The following FANCM variants were observed in gnomAD, a reference collection of about 807,000 sequenced individuals.
The protein encoded by FANCM is Fanconi anemia group M protein.
In FANCM, 140 loss-of-function variants were observed where a neutral mutation model predicts 199.5. The ratio of observed to expected loss-of-function variants is 0.70; its 90% confidence interval spans 0.61 to 0.81. FANCM has a LOEUF of 0.81. Among genes scored for constraint, FANCM ranks in the 30% least tolerant of loss-of-function variants. FANCM has a pLI of 0.00. For missense variants in FANCM, 2,410 were observed against 2,421.4 expected, an observed-to-expected ratio of 1.00 and a Z score of 0.10; for synonymous variants, 840 against 836.8, an observed-to-expected ratio of 1.00 and a Z score of -0.07.
chr14:45,167,221 G>A (rs760185132), intron 11 of FANCM, 58 bp downstream of exon 11: 13 of 943,314 alleles, frequency 1.4e-5, no homozygotes, highest in African/African-American at 1.1e-4. Flanking sequence ...TTAGCAGGTC[G>A]TATCTTGATA....
At position 45,200,001 on chromosome 14, in the gene FANCM, A is replaced by G; in HGVS notation, c.6140A>G (p.Asp2047Gly). 6.2e-7 allele frequency: 1 copy of G among 1,607,228 alleles called. No individual in the cohort carries two copies. The highest frequency in any genetic ancestry group is 8.5e-7 in the Non-Finnish European group (1 of 1,175,108). The change falls in exon 23 of 23, where the codon GAT becomes GGT. Residue 2047 changes from aspartate (D) to glycine (G), a missense_variant. Coordinates refer to ENST00000267430, the MANE Select transcript of FANCM (RefSeq NM_020937.4). ...NDLNQDRLKSDI is the reference protein window; with the variant it reads ...NDLNQDRLKSGI ...CTTAACCAAGATAGACTGAAATCTG[A>G]TATATAATCAAGCTGCTCAAGATGG...
At chr14:45,180,601 C>T (rs1405522652) in intron 14 of FANCM, among the ~76,000 whole-genome samples, 1 of 152,064 alleles carries the variant, frequency 6.6e-6, no homozygotes, top group African/African-American at 2.4e-5. Context: ...CCACACCCAG[C>T]TAATTATTGT....
rs375521446 is a variant in FANCM, at chr14:45,142,278, C to T, written c.759+1569C>T. On this transcript the variant is annotated intron_variant, in intron 3 of 22. Transcript: ENST00000267430. ...ATTGTGTTGTCATGGCTTCTTAGTC[C>T]CTTCTAATCTGTGATGGTTCCTCTT... 1.5e-4 allele frequency among the ~76,000 whole-genome samples: 22 copies of T among 151,664 alleles called. No individual in the cohort carries two copies. In the East Asian group the frequency reaches 3.9e-3, roughly 27 times the overall value.
At chr14:45,184,726 T>A (rs1206932859) in intron 17 of FANCM, among the ~76,000 whole-genome samples, 1 of 150,906 alleles carries the variant, frequency 6.6e-6, no homozygotes, top group Non-Finnish European at 1.5e-5. Context: ...GACAGAATTA[T>A]CAGAATTTTT....
chr14:45,145,251 A>G (rs1886280329), intron 3 of FANCM, among the ~76,000 whole-genome samples: 2 of 151,452 alleles, frequency 1.3e-5, no homozygotes, highest in South Asian at 4.2e-4. Context: ...AAGCAGAAGG[A>G]AGGAGTCACT....
chr14:45,147,920 G>A (rs560830881), intron 3 of FANCM, among the ~76,000 whole-genome samples: 12 of 149,296 alleles, frequency 8.0e-5, no homozygotes, highest in Non-Finnish European at 1.3e-4. Context: ...AAAAAAAGCC[G>A]GGCGTGATGC....
Position 45,189,042 on chromosome 14 carries a change from A to G in FANCM, c.5020A>G (p.Ser1674Gly), listed in dbSNP as rs140499872. 111 of 1,613,878 alleles carry G rather than the reference A, an allele frequency of 6.9e-5. No individual in the cohort carries two copies. The African/African-American group carries it at 1.4e-3, about 20-fold the overall frequency. Residue 1674 changes from serine (S) to glycine (G), a missense_variant, in exon 20 of 23, where the codon AGT becomes GGT. Transcript: ENST00000267430. The stretch of plus-strand genomic sequence containing the variant: ...CAGAATTATTTTACCAGATGATTCA[A>G]GTGAGGAGGAGAACAATGTAAATGA... ...LSRIILPDDS[S>G]EEENNVNDKR...
intron 19 of FANCM, among the ~76,000 whole-genome samples, 169 bp downstream of exon 19, chr14:45,188,056 T>G (rs1889516424): frequency 6.6e-6 from 1 of 152,156 alleles, no homozygotes; most frequent in Non-Finnish European, 1.5e-5. Context: ...GATCCCTTTT[T>G]GGCCATGTGC....
rs376583120 is a variant in FANCM at position 45,183,851 on chromosome 14, C to T, written c.4464C>T (p.Asn1488=). Reference sequence around the variant, plus strand: ...AATTAGAAGACTTCAAGGTTTGTAACGGGAATGCCAGAAGAGGCATCAAAG... The same window carrying T: ...AATTAGAAGACTTCAAGGTTTGTAATGGGAATGCCAGAAGAGGCATCAAAG... ...CSQLEDFKVC[N]GNARRGIKVP... is the part of the protein sequence containing the mutation. The change falls in exon 17 of 23, where the codon AAC becomes AAT. Residue 1488 remains asparagine, a synonymous_variant. Coordinates refer to ENST00000267430, the MANE Select transcript of FANCM (RefSeq NM_020937.4). The T allele has an allele frequency of 1.1e-5, 18 of 1,610,524 alleles. No individual in the cohort carries two copies. The highest frequency in any genetic ancestry group is 1.6e-4 in the Middle Eastern group (1 of 6,072).
At chr14:45,166,099 T>C (rs1887949645) in intron 10 of FANCM, among the ~76,000 whole-genome samples, 1 of 151,850 alleles carries the variant, frequency 6.6e-6, no homozygotes, top group African/African-American at 2.4e-5. Flanking sequence ...GGTGGGCTTT[T>C]GTAATAATGG....
chr14:45,185,756 A>G (rs1428693137), intron 18 of FANCM, among the ~76,000 whole-genome samples: 2 of 152,200 alleles, frequency 1.3e-5, no homozygotes, highest in Non-Finnish European at 2.9e-5. Flanking sequence ...GACAGACAAT[A>G]TATATACTAA....
At chr14:45,152,247 C>G (rs2139163527) in intron 5 of FANCM, among the ~76,000 whole-genome samples, 1 of 152,162 alleles carries the variant, frequency 6.6e-6, no homozygotes, top group Middle Eastern at 3.4e-3. Flanking sequence ...CCGGGCTGGT[C>G]TCGACCTCCT....
chr14:45,174,662 C>T (rs1481123233), intron 13 of FANCM, among the ~76,000 whole-genome samples: 1 of 151,928 alleles, frequency 6.6e-6, no homozygotes, highest in Non-Finnish European at 1.5e-5. Context: ...AGTTTACTGT[C>T]ATTGAAAGAG....
chr14:45,137,448 T>C, intron 2 of FANCM: 1 of 573,480 alleles, frequency 1.7e-6, no homozygotes, highest in South Asian at 2.1e-5. Flanking sequence ...GCTGTTATTG[T>C]TGTTTTCTTT....
chr14:45,136,641 A>G (rs956047984), intron 1 of FANCM, 102 bp downstream of exon 1: 3 of 1,157,306 alleles, frequency 2.6e-6, no homozygotes, highest in Admixed American at 3.6e-5. Context: ...CCTCCCTCTT[A>G]AAACATTCTC....
Position 45,189,243 on chromosome 14 carries a change from A to T in FANCM, c.5221A>T (p.Thr1741Ser). Residue 1741 changes from threonine (T) to serine (S), a missense_variant, in exon 20 of 23, where the codon ACA becomes TCA. By Grantham distance (58) the Thr-to-Ser change is moderately conservative. Transcript: ENST00000267430. ...SKQTSLNLKD[T>S]ISEVSDFKPQ... ...ACAGACATCGCTGAATTTAAAGGAT[A>T]CAATTTCCGAAGTCTCAGACTTCAA... is the stretch of plus-strand genomic sequence containing the variant. 3.1e-6 allele frequency: 5 copies of T among 1,614,112 alleles called. No homozygotes were observed. The highest frequency in any genetic ancestry group is 4.2e-6 in the Non-Finnish European group (5 of 1,179,968).
intron 1 of FANCM, among the ~76,000 whole-genome samples, 168 bp downstream of exon 1, chr14:45,136,707 A>G (rs1051468627): frequency 6.6e-6 from 1 of 152,228 alleles, no homozygotes; most frequent in Non-Finnish European, 1.5e-5. Flanking sequence ...ATCTTCAGAG[A>G]ATATCTGCAG....
chr14:45,179,686 C>A (rs1407738808), intron 14 of FANCM, among the ~76,000 whole-genome samples: 2 of 151,022 alleles, frequency 1.3e-5, no homozygotes, highest in African/African-American at 4.9e-5. Flanking sequence ...CTCAGCCTCT[C>A]AAGTAGCTGG....
chr14:45,144,183 A>G (rs1385808592), intron 3 of FANCM, among the ~76,000 whole-genome samples: 1 of 152,094 alleles, frequency 6.6e-6, no homozygotes, highest in African/African-American at 2.4e-5. Context: ...TTTTGTTACA[A>G]TCCAGTTATA....
Sources: gnomAD v4.1 joint callset for allele counts (sites outside exome capture counted in the v4.1 genomes callset) on GRCh38, gnomAD v4.1.1 for gene constraint, MANE v1.5 for transcripts, NCBI Gene and HGNC (gene_info 2026-07-23, HGNC 2026-07-21) for gene names.